Variants in PCDHGB5 observed in about 807,000 individuals in gnomAD.
PCDHGB5 encodes protocadherin gamma-B5.
PCDHGB5 carries 48 observed loss-of-function variants against 62.9 expected under a neutral mutation model. That is an observed-to-expected ratio of 0.76 (90% CI 0.61 to 0.97). PCDHGB5 has a LOEUF of 0.97. Ranked by LOEUF, PCDHGB5 falls within the 50% of genes least tolerant of loss-of-function variation. The probability of loss-of-function intolerance (pLI) is 0.00; values close to 1 mark genes in which losing one functional copy is unlikely to be tolerated. For missense variants in PCDHGB5, 1,118 were observed against 1,198.6 expected (o/e 0.93, Z 0.99); for synonymous variants, 474 against 511.2 (o/e 0.93, Z 0.98).
intron 1 of PCDHGB5, among the ~76,000 whole-genome samples, chr5:141,444,162 T>A: frequency 8.4e-6 from 1 of 119,238 alleles, no homozygotes. Flanking sequence ...ATTTTTTTTT[T>A]TTTTTTTTTT....
At chr5:141,433,096 C>A in intron 1 of PCDHGB5, 3 of 1,614,118 alleles carry the variant, frequency 1.9e-6, no homozygotes, top group Non-Finnish European at 2.5e-6. Context: ...CAGACATGCT[C>A]GTCAGCCAGG....
Position 141,505,229 on chromosome 5 carries a change from G to T in PCDHGB5, c.2457-164G>T, listed in dbSNP as rs116169437. 9.5e-4 allele frequency: 809 copies of T among 847,460 alleles called. 6 individuals carry two copies. In the African/African-American group the frequency reaches 0.013, roughly 13 times the overall value. 52.5% of individuals were successfully genotyped at this position (847,460 alleles called of 1,614,324 possible). ...TGAGGGACTGACTTGTGGGATTCTG[G>T]CTTCTGAAGGATTGTAGAAGTGCCT... On this transcript the variant is annotated intron_variant, in intron 2 of 3. Coordinates refer to ENST00000617380, the MANE Select transcript of PCDHGB5 (RefSeq NM_018925.3).
chr5:141,413,651 C>T (rs377135032), intron 1 of PCDHGB5: 16 of 1,613,658 alleles, frequency 9.9e-6, no homozygotes, highest in Non-Finnish European at 8.5e-6. Context: ...TTTCCTCTCC[C>T]GGAAGCTATT....
intron 1 of PCDHGB5, among the ~76,000 whole-genome samples, chr5:141,437,741 C>CTTT (rs35124340): frequency 4.2e-5 from 6 of 141,750 alleles, no homozygotes; most frequent in Admixed American, 7.0e-5. Flanking sequence ...TTGAGTTCAC[C>CTTT]TTTTTTTTTT....
intron 1 of PCDHGB5, chr5:141,422,570 A>G: frequency 6.2e-7 from 1 of 1,614,012 alleles, no homozygotes; most frequent in African/African-American, 1.3e-5. Flanking sequence ...GATGACAACG[A>G]TAACCCTCCC....
intron 1 of PCDHGB5, chr5:141,409,789 G>C (rs1390138666): frequency 1.2e-6 from 2 of 1,611,918 alleles, no homozygotes; most frequent in African/African-American, 2.7e-5. Context: ...GCGCCTTCGC[G>C]CTCACGCTGC....
chr5:141,480,951 G>A (rs924500955), intron 1 of PCDHGB5, among the ~76,000 whole-genome samples: 4 of 152,038 alleles, frequency 2.6e-5, no homozygotes, highest in Non-Finnish European at 2.9e-5. Flanking sequence ...AGGCTGAGGC[G>A]GAAGCATCAG....
At chr5:141,447,884 G>A (rs1324802340) in intron 1 of PCDHGB5, among the ~76,000 whole-genome samples, 1 of 152,024 alleles carries the variant, frequency 6.6e-6, no homozygotes, top group Non-Finnish European at 1.5e-5. Context: ...TCAGGAGTTC[G>A]AGACCAGCCT....
chr5:141,491,528 C>T lies in PCDHGB5; in HGVS notation c.2398-3279C>T, dbSNP rs745806026. ...GGCACGCTCAAGTACATGGAGGTGACGCTGCGGCCCACAGACTCGCAGAGC... is the reference window on the plus strand; with the variant it reads ...GGCACGCTCAAGTACATGGAGGTGATGCTGCGGCCCACAGACTCGCAGAGC... On this transcript the variant is annotated intron_variant, in intron 1 of 3. Coordinates refer to ENST00000617380, the MANE Select transcript of PCDHGB5 (RefSeq NM_018925.3). The surrounding 1 kb of genome is among the most constrained non-coding windows in gnomAD (Gnocchi z 6.9). 4 of 1,613,950 alleles carry T rather than the reference C, an allele frequency of 2.5e-6. No individual in the cohort carries two copies. Among genetic ancestry groups the T allele is most frequent in the South Asian group, 1.1e-5 (1 of 91,092 alleles).
chr5:141,414,946 C>T, intron 1 of PCDHGB5: 1 of 1,614,102 alleles, frequency 6.2e-7, no homozygotes, highest in East Asian at 2.2e-5. Context: ...GCCCGGCTAC[C>T]TGGTGACCAA....
At position 141,431,035 on chromosome 5, in the gene PCDHGB5, G is replaced by C; in HGVS notation, c.2397+30511G>C. The C allele has an allele frequency of 6.2e-7, 1 of 1,614,186 alleles. No individual in the cohort carries two copies. Among genetic ancestry groups the C allele is most frequent in the South Asian group, 1.1e-5 (1 of 91,086 alleles). ...TGGTCACGGCGGGCAGGATAGACCG[G>C]GAGGAGCTCTGTATGGGGGCCATCA... On this transcript the variant is annotated intron_variant, in intron 1 of 3. Transcript: ENST00000617380. The surrounding 1 kb of genome is among the most constrained non-coding windows in gnomAD (Gnocchi z 4.8).
At position 141,399,419 on chromosome 5, in the gene PCDHGB5, G is replaced by A; in HGVS notation, c.1292G>A (p.Ser431Asn). The A allele has an allele frequency of 6.2e-7, 1 of 1,614,000 alleles. No individual in the cohort carries two copies. Among genetic ancestry groups the A allele is most frequent in the East Asian group, 2.2e-5 (1 of 44,876 alleles). The change falls in exon 1 of 4, where the codon AGC becomes AAC. Residue 431 changes from serine to asparagine, a missense_variant. Ser to Asn is a conservative substitution (Grantham distance 46). Transcript: ENST00000617380. ...TDRGKPPLSSSISVILHIRDV... is the reference protein window; with the variant it reads ...TDRGKPPLSSNISVILHIRDV... ...AGGGGCAAGCCGCCCCTCTCCTCCA[G>A]CATAAGCGTCATCCTACATATCAGA... is the stretch of plus-strand genomic sequence containing the variant.
intron 1 of PCDHGB5, chr5:141,415,794 A>G: frequency 1.5e-6 from 2 of 1,366,408 alleles, no homozygotes; most frequent in Non-Finnish European, 1.9e-6. Context: ...AAATTCACCT[A>G]GTCTCAATCA....
rs781173890 is a variant in PCDHGB5, at chr5:141,476,165, G to T, written c.2398-18642G>T. 5.3e-5 allele frequency: 86 copies of T among 1,613,106 alleles called. No individual in the cohort carries two copies. Among genetic ancestry groups the T allele is most frequent in the Non-Finnish European group, 7.2e-5 (85 of 1,179,976 alleles). On this transcript the variant is annotated intron_variant, in intron 1 of 3. Transcript: ENST00000617380. The surrounding 1 kb of genome is among the most constrained non-coding windows in gnomAD (Gnocchi z 7.6). ...CGGACTGGTAAGCACCGGGAGGGTA[G>T]TGGGAGTTTTGCTTCTGCTTGGTGC...
intron 1 of PCDHGB5, chr5:141,422,092 G>C: frequency 6.2e-7 from 1 of 1,611,520 alleles, no homozygotes; most frequent in Non-Finnish European, 8.5e-7. Flanking sequence ...GGAAAGCAAG[G>C]CTTCTGAAAT....
In PCDHGB5 at chr5:141,433,028, G is replaced by T. The variant is rs539293579; in HGVS notation, c.2397+32504G>T. 27 of 1,614,116 alleles carry T rather than the reference G, an allele frequency of 1.7e-5. No individual in the cohort carries two copies. The highest frequency in any genetic ancestry group is 6.7e-5 in the Admixed American group (4 of 60,018). On this transcript the variant is annotated intron_variant, in intron 1 of 3. Coordinates refer to ENST00000617380, the MANE Select transcript of PCDHGB5 (RefSeq NM_018925.3). ...TTTCCTGCAGACCTATTCCCACGAG[G>T]TTTCCCTCACCACGGACTCGCGGAA...
At chr5:141,450,006 CTT>C (rs1554136305) in intron 1 of PCDHGB5, among the ~76,000 whole-genome samples, 13 of 132,938 alleles carry the variant, frequency 9.8e-5, no homozygotes, top group Non-Finnish European at 7.9e-5. Flanking sequence ...TGCCATGTCT[CTT>C]TTTTTTTTTT....
At position 141,403,043 on chromosome 5, in the gene PCDHGB5, A is replaced by C. The variant is rs779412498; in HGVS notation, c.2397+2519A>C. On this transcript the variant is annotated intron_variant, in intron 1 of 3. Coordinates refer to ENST00000617380, the MANE Select transcript of PCDHGB5 (RefSeq NM_018925.3). ...GCTATGGGAGGCCAGGGCCAGTCAG[A>C]TTCGCTACTCAGTGCCTGAAGAGAC... 21 of 1,614,070 alleles carry C rather than the reference A, an allele frequency of 1.3e-5. No homozygotes were observed. In the South Asian group the frequency reaches 2.3e-4, roughly 18 times the overall value.
chr5:141,404,907 C>T (rs2094582940), intron 1 of PCDHGB5: 1 of 1,613,890 alleles, frequency 6.2e-7, no homozygotes. Context: ...CATGGCCAGC[C>T]CCCTCTCTCG....
Sources: allele counts gnomAD v4.1 joint callset (sites outside exome capture counted in the v4.1 genomes callset), GRCh38; gene constraint gnomAD v4.1.1; non-coding constraint Gnocchi (gnomAD v3.1); transcripts MANE v1.5; gene names NCBI Gene and HGNC (gene_info 2026-07-23, HGNC 2026-07-21).